GBE1: variants seen among roughly 807,000 people sequenced by gnomAD.
GBE1 encodes the protein 1,4-alpha-glucan-branching enzyme.
GBE1 carries 70 observed loss-of-function variants against 88.8 expected under a neutral mutation model. The observed-to-expected ratio is 0.79, with a 90% CI of 0.65 to 0.96. The LOEUF (loss-of-function observed/expected upper bound fraction) is 0.96. Among genes scored for constraint, GBE1 ranks in the 40% least tolerant of loss-of-function variants. The pLI is 0.00. For missense variants in GBE1, 872 were observed against 871.0 expected (o/e 1.00, Z -0.01); for synonymous variants, 284 against 300.1 (o/e 0.95, Z 0.56).
At chr3:81,522,555 T>A (rs1371298268) in intron 14 of GBE1, among the ~76,000 whole-genome samples, 1 of 151,430 alleles carries the variant, frequency 6.6e-6, no homozygotes, top group Non-Finnish European at 1.5e-5. Flanking sequence ...CCCCCAAATT[T>A]AAAATATATA....
chr3:81,691,407 G>A (rs1474138046), intron 2 of GBE1, among the ~76,000 whole-genome samples: 42 of 152,120 alleles, frequency 2.8e-4, no homozygotes, highest in Non-Finnish European at 1.8e-4. Context: ...GGTTTAATAT[G>A]TACAATTACT....
chr3:81,689,836 G>A (rs1438151316), intron 2 of GBE1, among the ~76,000 whole-genome samples: 1 of 152,128 alleles, frequency 6.6e-6, no homozygotes, highest in Admixed American at 6.5e-5. Flanking sequence ...CAGTGGGGAG[G>A]AGCCCGGCCC....
intron 3 of GBE1, among the ~76,000 whole-genome samples, chr3:81,651,339 C>T (rs982324927): frequency 4.6e-5 from 7 of 152,184 alleles, no homozygotes; most frequent in African/African-American, 1.4e-4. Context: ...TCTGAACAGG[C>T]TTCCACAGCA....
At chr3:81,697,154 T>A (rs1231750462) in intron 2 of GBE1, among the ~76,000 whole-genome samples, 1 of 152,202 alleles carries the variant, frequency 6.6e-6, no homozygotes, top group Non-Finnish European at 1.5e-5. Flanking sequence ...CATGGTCCCC[T>A]CTTTGGGTTC....
chr3:81,524,563 T>A (rs1373775036), intron 14 of GBE1, among the ~76,000 whole-genome samples: 1 of 151,756 alleles, frequency 6.6e-6, no homozygotes, highest in Non-Finnish European at 1.5e-5. Flanking sequence ...CAGTCTTTAA[T>A]CCACTTTGAT....
chr3:81,548,896 G>C (rs1703239972), intron 12 of GBE1, among the ~76,000 whole-genome samples: 1 of 151,140 alleles, frequency 6.6e-6, no homozygotes, highest in African/African-American at 2.4e-5. Context: ...GTTTTTCAGA[G>C]TCAAGGTAAC....
intron 2 of GBE1, among the ~76,000 whole-genome samples, chr3:81,696,879 C>A (rs1026094089): frequency 1.3e-5 from 2 of 152,266 alleles, no homozygotes; most frequent in Non-Finnish European, 2.9e-5. Flanking sequence ...CCAGGAAAAA[C>A]TCTCTCAAAC....
chr3:81,643,030 A>G (rs1704709683), intron 6 of GBE1, 40 bp from the exon 7 acceptor site: 2 of 1,366,752 alleles, frequency 1.5e-6, no homozygotes, highest in Non-Finnish European at 2.1e-6. Flanking sequence ...ATTACATCAC[A>G]TTTAGAGGAA....
chr3:81,542,567 A>G (rs1471291451), intron 12 of GBE1, among the ~76,000 whole-genome samples: 1 of 152,084 alleles, frequency 6.6e-6, no homozygotes, highest in African/African-American at 2.4e-5. Flanking sequence ...AGTATTTTTC[A>G]TCATGTATAT....
intron 7 of GBE1, among the ~76,000 whole-genome samples, chr3:81,613,534 CTT>C (rs753832861): frequency 3.3e-5 from 5 of 150,674 alleles, no homozygotes; most frequent in Non-Finnish European, 5.9e-5. Flanking sequence ...TCTATTTTCT[CTT>C]GTTTAAAAAA....
chr3:81,695,271 G>A lies in GBE1; in HGVS notation c.313+10173C>T, dbSNP rs140484755. On this transcript the variant is annotated intron_variant, in intron 2 of 15. Transcript: ENST00000429644. ...CCCAAATGACCATCTACTGAGGAAT[G>A]AATAAACAAAATGTGGACTACCTAT... Among the ~76,000 whole-genome samples the A allele has an allele frequency of 3.5e-4, 53 of 152,298 alleles. 1 individual carries two copies. The East Asian group carries it at 7.1e-3, about 21-fold the overall frequency.
At chr3:81,573,064 C>T (rs778136065) in intron 12 of GBE1, among the ~76,000 whole-genome samples, 4 of 151,682 alleles carry the variant, frequency 2.6e-5, no homozygotes, top group Non-Finnish European at 4.4e-5. Context: ...TTTTTGAACA[C>T]GAAGCATACT....
intron 12 of GBE1, among the ~76,000 whole-genome samples, chr3:81,544,119 T>C (rs1326693055): frequency 6.6e-6 from 1 of 152,144 alleles, no homozygotes; most frequent in Non-Finnish European, 1.5e-5. Flanking sequence ...TATATTAGAA[T>C]GCCAGCAACT....
intron 7 of GBE1, chr3:81,613,129 C>T: frequency 2.5e-6 from 1 of 394,168 alleles, no homozygotes. Context: ...TTCTCCAGTC[C>T]TTGGGAGCAA....
chr3:81,621,419 T>G (rs1191500461), intron 7 of GBE1, among the ~76,000 whole-genome samples: 1 of 152,184 alleles, frequency 6.6e-6, no homozygotes, highest in Admixed American at 6.6e-5. Flanking sequence ...TCAAACATTT[T>G]TGAGGGGATC....
At chr3:81,758,725 G>C (rs180958096) in intron 1 of GBE1, among the ~76,000 whole-genome samples, 1 of 152,192 alleles carries the variant, frequency 6.6e-6, no homozygotes, top group Non-Finnish European at 1.5e-5. Flanking sequence ...CATGGAGGTG[G>C]TCAGTCATGC....
rs58928162 is a variant in GBE1, at chr3:81,553,688, G to GA, written c.1619-16594dup. Among the ~76,000 whole-genome samples the GA allele has an allele frequency of 3.0e-3, 405 of 133,490 alleles. 5 individuals carry two copies. The South Asian group carries it at 0.033, about 11-fold the overall frequency. The allele number at this position is 133,490 out of a possible 152,430, so 87.6% of individuals were successfully genotyped here. Reference sequence around the variant, plus strand: ...AAATGGGTTTCTATGAGAGCCATAAGAAAAAAAAAAAAACAGACAGAAAGT... The same window carrying GA: ...AAATGGGTTTCTATGAGAGCCATAAGAAAAAAAAAAAAAACAGACAGAAAGT... On this transcript the variant is annotated intron_variant, in intron 12 of 15. Transcript: ENST00000429644.
chr3:81,649,096 A>C, intron 4 of GBE1, 105 bp from the exon 5 acceptor site: 1 of 760,514 alleles, frequency 1.3e-6, no homozygotes, highest in Non-Finnish European at 2.0e-6. Context: ...AAACACTTGG[A>C]ACTATTCTCA....
chr3:81,756,072 A>G (rs1182272090), intron 1 of GBE1, among the ~76,000 whole-genome samples: 1 of 152,192 alleles, frequency 6.6e-6, no homozygotes, highest in African/African-American at 2.4e-5. Flanking sequence ...AATACTTAAC[A>G]TATAATATTT....
Sources: gnomAD v4.1 joint callset for allele counts (sites outside exome capture counted in the v4.1 genomes callset) on GRCh38, gnomAD v4.1.1 for gene constraint, MANE v1.5 for transcripts, NCBI Gene and HGNC (gene_info 2026-07-23, HGNC 2026-07-21) for gene names.